Variants in AKTIP observed in about 807,000 individuals in gnomAD.
AKTIP encodes AKT-interacting protein.
A neutral mutation model predicts 39.1 loss-of-function variants in AKTIP; 16 were observed. The ratio of observed to expected loss-of-function variants is 0.41; its 90% CI spans 0.28 to 0.62. The LOEUF is 0.62. Among genes scored for constraint, AKTIP ranks in the 20% least tolerant of loss-of-function variants. The probability of loss-of-function intolerance (pLI) is 0.32; values close to 1 mark genes in which losing one functional copy is unlikely to be tolerated. For synonymous variants in AKTIP, 93 were observed against 124.3 expected (o/e 0.75, Z 1.67); for missense variants, 262 against 356.6 (o/e 0.73, Z 2.14).
In AKTIP at chr16:53,495,326, A is replaced by T; in HGVS notation, c.249T>A (p.Phe83Leu). The change falls in exon 4 of 10, where the codon TTT becomes TTA. Residue 83 changes from phenylalanine (F) to leucine (L), a missense_variant and splice_region_variant. By Grantham distance (22) the Phe-to-Leu change is conservative (BLOSUM62 0). Coordinates refer to ENST00000394657, the MANE Select transcript of AKTIP (RefSeq NM_022476.4). ...GTAGCTTCTGCTTCACAACCAAGGT[A>T]CTACAACAAAAGCAGAATAATTAAC... ...FYLEYSLLAEFTLVVKQKLPG... is the reference protein window; with the variant it reads ...FYLEYSLLAELTLVVKQKLPG... 1 of 1,614,168 alleles carries T rather than the reference A, an allele frequency of 6.2e-7. No homozygotes were observed. Among genetic ancestry groups the T allele is most frequent in the Non-Finnish European group, 8.5e-7 (1 of 1,179,992 alleles).
At chr16:53,492,542 A>T (rs1170858568) in intron 9 of AKTIP, 23 bp from the exon 10 acceptor site, 1 of 1,612,610 alleles carries the variant, frequency 6.2e-7, no homozygotes, top group Non-Finnish European at 8.5e-7. Flanking sequence ...ATCAAAACAG[A>T]TATTTAAAAA....
chr16:53,491,437 T>C lies in AKTIP; in HGVS notation c.*975A>G, dbSNP rs1961447638. 1 of 152,428 alleles carries C rather than the reference T, an allele frequency of 6.6e-6. No homozygotes were observed. Among genetic ancestry groups the C allele is most frequent in the Admixed American group, 6.5e-5 (1 of 15,282 alleles). 9.4% of individuals were successfully genotyped at this position (152,428 alleles called of 1,614,324 possible). Reference sequence around the variant, plus strand: ...TTGTTCCAGCAGTTTTCAAGTCAAATTAATAATCTTATTAGGGAGAAAATT... The same window carrying C: ...TTGTTCCAGCAGTTTTCAAGTCAAACTAATAATCTTATTAGGGAGAAAATT... On this transcript the variant is annotated 3_prime_UTR_variant, in exon 10 of 10. Transcript: ENST00000394657.
intron 2 of AKTIP, 50 bp downstream of exon 2, chr16:53,500,168 A>T: frequency 7.0e-7 from 1 of 1,433,488 alleles, no homozygotes; most frequent in Non-Finnish European, 9.8e-7. Flanking sequence ...CCCTATTTTC[A>T]GACACAGAAG....
chr16:53,494,423 T>C lies in AKTIP; in HGVS notation c.518A>G (p.His173Arg). ...AFAKWRRNHN[H>R]IWQVLMYARR... Reference sequence around the variant, plus strand: ...TGCATACATTAATACCTGCCAAATATGATTATGGTTCCGCCTAAAGGGAAA... The same window carrying C: ...TGCATACATTAATACCTGCCAAATACGATTATGGTTCCGCCTAAAGGGAAA... The change falls in exon 7 of 10, where the codon CAT becomes CGT. Residue 173 changes from histidine to arginine, a missense_variant. Physicochemically the swap from His to Arg is conservative, Grantham distance 29. This residue lies in a region of AKTIP where 145 missense variants were observed against 159.3 expected (regional missense o/e 0.91). Coordinates refer to ENST00000394657, the MANE Select transcript of AKTIP (RefSeq NM_022476.4). The C allele has an allele frequency of 1.2e-6, 2 of 1,614,212 alleles. No homozygotes were observed. Among genetic ancestry groups the C allele is most frequent in the Non-Finnish European group, 1.7e-6 (2 of 1,180,032 alleles).
At chr16:53,500,531 C>T (rs1962107852) in intron 1 of AKTIP, among the ~76,000 whole-genome samples, 1 of 152,126 alleles carries the variant, frequency 6.6e-6, no homozygotes, top group Non-Finnish European at 1.5e-5. Context: ...GTGCCTGCCA[C>T]CATGCCCAGC....
At position 53,498,390 on chromosome 16, in the gene AKTIP, C is replaced by A; in HGVS notation, c.248+1G>T. ...AACCAAATAGTTTGTTAAGGACTTACAATTCTGCAAGAAGAGAGTATTCCA... is the reference window on the plus strand; with the variant it reads ...AACCAAATAGTTTGTTAAGGACTTAAAATTCTGCAAGAAGAGAGTATTCCA... On this transcript the variant is annotated splice_donor_variant, in intron 3 of 9. Coordinates refer to ENST00000394657, the MANE Select transcript of AKTIP (RefSeq NM_022476.4). LOFTEE classifies it high-confidence loss of function. 6.2e-7 allele frequency: 1 copy of A among 1,613,796 alleles called. No homozygotes were observed. Among genetic ancestry groups the A allele is most frequent in the Non-Finnish European group, 8.5e-7 (1 of 1,179,722 alleles).
upstream of AKTIP, among the ~76,000 whole-genome samples, chr16:53,503,610 T>G (rs531003545): frequency 2.0e-5 from 3 of 152,300 alleles, no homozygotes; most frequent in East Asian, 5.8e-4. Context: ...GGAGGTTTAT[T>G]CGCACAGCCC....
intron 3 of AKTIP, among the ~76,000 whole-genome samples, chr16:53,496,324 T>C (rs1310505498): frequency 6.6e-6 from 1 of 151,984 alleles, no homozygotes; most frequent in East Asian, 1.9e-4. Context: ...ATCACCCCAA[T>C]AGACGCCTGT....
intron 2 of AKTIP, among the ~76,000 whole-genome samples, chr16:53,499,137 C>T (rs1962015378): frequency 6.6e-6 from 1 of 152,238 alleles, no homozygotes; most frequent in African/African-American, 2.4e-5. Flanking sequence ...TTTCAAATAT[C>T]ACCAGCATAA....
intron 3 of AKTIP, among the ~76,000 whole-genome samples, chr16:53,496,868 A>C (rs1961870539): frequency 6.6e-6 from 1 of 152,180 alleles, no homozygotes; most frequent in Non-Finnish European, 1.5e-5. Context: ...ATGAGGTCTC[A>C]CTATATGGCC....
rs1961519440 is a variant in AKTIP at position 53,492,149 on chromosome 16, A to AAT, written c.*261_*262dup. On this transcript the variant is annotated 3_prime_UTR_variant, in exon 10 of 10. Transcript: ENST00000394657. ...TTACCTTTAGCATTATATTCAGAAA[A>AAT]ATACTTACTTAAGCCTCAAGGTCCC... is the stretch of plus-strand genomic sequence containing the variant. The AAT allele has an allele frequency of 2.6e-6, 1 of 390,460 alleles. No individual in the cohort carries two copies. Among genetic ancestry groups the AAT allele is most frequent in the Non-Finnish European group, 4.6e-6 (1 of 216,992 alleles). 24.2% of individuals were successfully genotyped at this position (390,460 alleles called of 1,614,324 possible).
rs1961449656 is a variant in AKTIP at position 53,491,445 on chromosome 16, C to CTTAT, written c.*963_*966dup. The stretch of plus-strand genomic sequence containing the variant: ...GCAGTTTTCAAGTCAAATTAATAAT[C>CTTAT]TTATTAGGGAGAAAATTCAATTGTA... On this transcript the variant is annotated 3_prime_UTR_variant, in exon 10 of 10. Transcript: ENST00000394657. 6.6e-6 allele frequency: 1 copy of CTTAT among 152,264 alleles called. No homozygotes were observed. The highest frequency in any genetic ancestry group is 1.5e-5 in the Non-Finnish European group (1 of 67,978). 9.4% of individuals were successfully genotyped at this position (152,264 alleles called of 1,614,324 possible). A position where few individuals can be genotyped will look rare whatever the true frequency, so the allele number is the denominator to read the frequency against.
intron 8 of AKTIP, chr16:53,493,421 C>G (rs539785900): frequency 1.3e-5 from 2 of 153,302 alleles, no homozygotes; most frequent in South Asian, 4.1e-4. Context: ...ATCTCCCCGC[C>G]TCGGCCTCCC....
chr16:53,494,291 A>G, intron 7 of AKTIP, 46 bp from the exon 8 acceptor site: 3 of 1,609,660 alleles, frequency 1.9e-6, no homozygotes, highest in Non-Finnish European at 2.6e-6. Flanking sequence ...TAATCTACTT[A>G]GCTGCATCTT....
chr16:53,495,407 C>A, intron 3 of AKTIP, 81 bp from the exon 4 acceptor site: 2 of 1,351,632 alleles, frequency 1.5e-6, no homozygotes, highest in Admixed American at 1.8e-5. Flanking sequence ...CACTTTGAGA[C>A]AATGAACGGC....
At chr16:53,503,222 G>GCCCTGCCCCTGCTTGAT (rs1962291309), upstream of AKTIP, 1 of 154,202 alleles carries the variant, frequency 6.5e-6, no homozygotes, top group African/African-American at 2.4e-5. Flanking sequence ...CGCAGCGCCA[G>GCCCTGCCCCTGCTTGAT]CCCTGCCCCT....
At chr16:53,499,026 G>A (rs1962010862) in intron 2 of AKTIP, among the ~76,000 whole-genome samples, 1 of 152,242 alleles carries the variant, frequency 6.6e-6, no homozygotes, top group Non-Finnish European at 1.5e-5. Flanking sequence ...ACTGAAATCA[G>A]TCACTGCCTG....
chr16:53,494,503 CTTTA>C lies in AKTIP; in HGVS notation c.503+10_503+13del. Reference sequence around the variant, plus strand: ...CTGTATTATGTCACTAAAAGAAACACTTTATTTACTTACCTCCATTTTGCAAATG... The same window carrying C: ...CTGTATTATGTCACTAAAAGAAACACTTTACTTACCTCCATTTTGCAAATG... On this transcript the variant is annotated intron_variant, in intron 6 of 9. Coordinates refer to ENST00000394657, the MANE Select transcript of AKTIP (RefSeq NM_022476.4). 5.0e-6 allele frequency: 8 copies of C among 1,614,102 alleles called. No homozygotes were observed. Among genetic ancestry groups the C allele is most frequent in the Non-Finnish European group, 5.1e-6 (6 of 1,179,942 alleles).
intron 8 of AKTIP, chr16:53,492,974 C>A (rs1293515589): frequency 1.9e-6 from 1 of 514,096 alleles, no homozygotes; most frequent in African/African-American, 1.9e-5. Flanking sequence ...CCTTGAAGTA[C>A]TGTTATTTAA....
Sources: allele counts gnomAD v4.1 joint callset (sites outside exome capture counted in the v4.1 genomes callset), GRCh38; gene constraint gnomAD v4.1.1; regional missense constraint gnomAD v4.1.1; transcripts MANE v1.5; gene names NCBI Gene and HGNC (gene_info 2026-07-23, HGNC 2026-07-21).